PRKCH: variants seen among roughly 807,000 people sequenced by gnomAD.
The protein encoded by PRKCH is protein kinase C eta type.
PRKCH carries 28 observed loss-of-function variants against 82.5 expected under a neutral mutation model. The ratio of observed to expected loss-of-function variants is 0.34; its 90% CI spans 0.25 to 0.47. The LOEUF (loss-of-function observed/expected upper bound fraction) is 0.47. PRKCH is among the 20% of genes least tolerant of loss of function. The probability of loss-of-function intolerance (pLI) is 1.00; values close to 1 mark genes in which losing one functional copy is unlikely to be tolerated. For missense variants in PRKCH, 705 were observed against 881.8 expected, an observed-to-expected ratio of 0.80 and a Z score of 2.54; for synonymous variants, 322 against 327.4, an observed-to-expected ratio of 0.98 and a Z score of 0.18.
intron 10 of PRKCH, among the ~76,000 whole-genome samples, chr14:61,523,331 G>T (rs557725275): frequency 1.9e-4 from 29 of 152,320 alleles, no homozygotes; most frequent in African/African-American, 7.0e-4. Context: ...CTATCATAGT[G>T]CCATCTTAGA....
intron 1 of PRKCH, among the ~76,000 whole-genome samples, chr14:61,242,411 G>GT (rs2044847072): frequency 6.6e-6 from 1 of 152,182 alleles, no homozygotes; most frequent in South Asian, 2.1e-4. Flanking sequence ...TTGTTTGTTT[G>GT]TTTTTTGAGA....
chr14:61,438,298 A>G (rs1883777521), intron 2 of PRKCH, among the ~76,000 whole-genome samples: 1 of 152,184 alleles, frequency 6.6e-6, no homozygotes, highest in South Asian at 2.1e-4. Context: ...AGTAAACCAC[A>G]GTGCTTTTGA....
chr14:61,219,891 G>A (rs560615889), intron 1 of PRKCH, among the ~76,000 whole-genome samples: 226 of 152,298 alleles, frequency 1.5e-3, no homozygotes, highest in Non-Finnish European at 2.1e-3. Flanking sequence ...TGAGAAAGGA[G>A]TCAGAAGGCT....
intron 10 of PRKCH, among the ~76,000 whole-genome samples, chr14:61,503,524 G>A (rs1471895041): frequency 6.6e-6 from 1 of 152,106 alleles, no homozygotes; most frequent in Non-Finnish European, 1.5e-5. Flanking sequence ...TTAAGAAATA[G>A]GACTCTGTTC....
chr14:61,457,965 G>A (rs903166408), intron 9 of PRKCH, among the ~76,000 whole-genome samples: 1 of 152,240 alleles, frequency 6.6e-6, no homozygotes, highest in African/African-American at 2.4e-5. Context: ...TAGGTGAAGT[G>A]AAGGTGAATG....
intron 1 of PRKCH, among the ~76,000 whole-genome samples, chr14:61,266,835 C>T (rs551052863): frequency 6.6e-6 from 1 of 152,212 alleles, no homozygotes; most frequent in South Asian, 2.1e-4. Flanking sequence ...ATTCCCCGAG[C>T]TTTGCTGAAA....
chr14:61,320,123 T>G (rs1408314371), upstream of PRKCH, among the ~76,000 whole-genome samples: 22 of 151,806 alleles, frequency 1.4e-4, no homozygotes, highest in Admixed American at 1.4e-3. Context: ...ACCTGGGAGC[T>G]GGAGGTTATG....
intron 1 of PRKCH, among the ~76,000 whole-genome samples, chr14:61,227,214 C>G (rs1052542055): frequency 6.6e-6 from 1 of 152,202 alleles, no homozygotes; most frequent in African/African-American, 2.4e-5. Context: ...CTCGCTTACT[C>G]ACTCTGTCAT....
chr14:61,229,143 G>A lies in PRKCH; in HGVS notation c.-19+41475G>A, dbSNP rs569061604. On this transcript the variant is annotated intron_variant, in intron 1 of 3. Coordinates refer to the PRKCH transcript ENST00000555185. ...ATAATTTATAATAACTCCCCAAATG[G>A]AAATAATCTAAATACTCCAAAATAG... is the stretch of plus-strand genomic sequence containing the variant. 1.6e-4 allele frequency among the ~76,000 whole-genome samples: 24 copies of A among 152,130 alleles called. No homozygotes were observed. In the South Asian group the frequency reaches 5.0e-3, roughly 32 times the overall value.
chr14:61,452,933 A>G, intron 6 of PRKCH: 1 of 408,132 alleles, frequency 2.5e-6, no homozygotes, highest in East Asian at 5.2e-5. Flanking sequence ...CTAAGGCAGC[A>G]ATGCCTGTTA....
intron 1 of PRKCH, among the ~76,000 whole-genome samples, chr14:61,268,684 A>G (rs565280388): frequency 5.3e-5 from 8 of 152,284 alleles, no homozygotes; most frequent in African/African-American, 1.9e-4. Context: ...AAAAATATAT[A>G]TATATTTCTT....
intron 1 of PRKCH, among the ~76,000 whole-genome samples, chr14:61,217,819 A>G (rs974557907): frequency 1.3e-5 from 2 of 152,218 alleles, no homozygotes; most frequent in African/African-American, 4.8e-5. Flanking sequence ...TTGACAAGCA[A>G]CTTCTGCTCT....
intron 1 of PRKCH, among the ~76,000 whole-genome samples, chr14:61,198,999 C>T (rs1039630431): frequency 4.6e-5 from 7 of 152,086 alleles, no homozygotes; most frequent in Admixed American, 6.5e-5. Context: ...TGGGGGAAGA[C>T]GCTACTTCCC....
At chr14:61,349,823 T>G (rs1824328182) in intron 1 of PRKCH, among the ~76,000 whole-genome samples, 2 of 152,092 alleles carry the variant, frequency 1.3e-5, no homozygotes. Context: ...ATCATGCCAC[T>G]GCCCTCCAGC....
At chr14:61,530,238 A>G (rs1179232285) in intron 11 of PRKCH, among the ~76,000 whole-genome samples, 169 bp from the exon 12 acceptor site, 1 of 152,234 alleles carries the variant, frequency 6.6e-6, no homozygotes, top group Non-Finnish European at 1.5e-5. Flanking sequence ...AGTTGACCAC[A>G]GGGAAAACAG....
chr14:61,494,436 A>T (rs1317417428), intron 10 of PRKCH, among the ~76,000 whole-genome samples: 2 of 152,240 alleles, frequency 1.3e-5, no homozygotes, highest in Non-Finnish European at 2.9e-5. Flanking sequence ...CGCTACATAT[A>T]TTCTTCCTAC....
intron 1 of PRKCH, among the ~76,000 whole-genome samples, chr14:61,265,775 A>G (rs902062940): frequency 1.3e-5 from 2 of 152,114 alleles, no homozygotes; most frequent in African/African-American, 2.4e-5. Context: ...CTGGGCTAGG[A>G]GAATAAGATC....
intron 1 of PRKCH, among the ~76,000 whole-genome samples, chr14:61,345,710 C>T (rs778540771): frequency 1.3e-5 from 2 of 152,166 alleles, no homozygotes; most frequent in Non-Finnish European, 2.9e-5. Flanking sequence ...TATTATCCTC[C>T]TCTTTGGGAG....
chr14:61,256,941 A>T (rs1037512968), intron 1 of PRKCH, among the ~76,000 whole-genome samples: 1 of 152,186 alleles, frequency 6.6e-6, no homozygotes, highest in African/African-American at 2.4e-5. Flanking sequence ...GATAAACCAG[A>T]TTCCTTCACT....
Sources: gnomAD v4.1 joint callset for allele counts (sites outside exome capture counted in the v4.1 genomes callset) on GRCh38, gnomAD v4.1.1 for gene constraint, MANE v1.5 for transcripts, NCBI Gene and HGNC (gene_info 2026-07-23, HGNC 2026-07-21) for gene names.